Variants in ADARB2 observed in about 807,000 individuals in gnomAD.
The protein encoded by ADARB2 is inactive double-stranded RNA-specific editase B2.
A neutral mutation model predicts 62.2 loss-of-function variants in ADARB2; 25 were observed. The observed-to-expected ratio is 0.40, with a 90% confidence interval of 0.29 to 0.56. The LOEUF is 0.56. Ranked by LOEUF, ADARB2 falls within the 20% of genes least tolerant of loss-of-function variation. ADARB2 has a pLI of 0.43. For synonymous variants in ADARB2, 572 were observed against 500.8 expected, an observed-to-expected ratio of 1.14 and a Z score of -1.90; for missense variants, 1,071 against 1,077.4, an observed-to-expected ratio of 0.99 and a Z score of 0.08.
At chr10:1,454,107 G>A (rs940106137) in intron 1 of ADARB2, among the ~76,000 whole-genome samples, 7 of 152,184 alleles carry the variant, frequency 4.6e-5, no homozygotes, top group Admixed American at 3.3e-4. Flanking sequence ...ATGGCAGAAG[G>A]GGAATGAGGA....
At chr10:1,505,026 C>T (rs1281444630) in intron 1 of ADARB2, among the ~76,000 whole-genome samples, 1 of 151,818 alleles carries the variant, frequency 6.6e-6, no homozygotes, top group African/African-American at 2.4e-5. Context: ...AACACACAGA[C>T]ACAGCCACAC....
intron 3 of ADARB2, among the ~76,000 whole-genome samples, chr10:1,329,818 G>A (rs929219044): frequency 1.3e-4 from 20 of 152,202 alleles, no homozygotes; most frequent in Admixed American, 7.8e-4. Flanking sequence ...AAGAGTGGGC[G>A]GGACCAGGCA....
At chr10:1,313,152 G>C (rs1003279197) in intron 3 of ADARB2, among the ~76,000 whole-genome samples, 1 of 152,182 alleles carries the variant, frequency 6.6e-6, no homozygotes, top group Non-Finnish European at 1.5e-5. Context: ...GGAGTGCCCA[G>C]GTGAGTCCAG....
At chr10:1,543,259 C>T (rs765796572) in intron 1 of ADARB2, among the ~76,000 whole-genome samples, 80 of 152,252 alleles carry the variant, frequency 5.3e-4, no homozygotes, top group Non-Finnish European at 3.1e-4. Context: ...TGGAGGGCTG[C>T]GCCAGGTCCT....
intron 6 of ADARB2, among the ~76,000 whole-genome samples, chr10:1,222,701 G>A (rs1247986627): frequency 2.0e-5 from 3 of 149,398 alleles, no homozygotes; most frequent in Non-Finnish European, 4.4e-5. Context: ...GTTTTTGTCA[G>A]GTTTGTCAAA....
At chr10:1,414,425 G>C (rs1832785015) in intron 1 of ADARB2, among the ~76,000 whole-genome samples, 1 of 152,162 alleles carries the variant, frequency 6.6e-6, no homozygotes, top group African/African-American at 2.4e-5. Context: ...CTCGTGGCTT[G>C]GATAGAATCC....
chr10:1,377,518 G>A (rs573335312), intron 2 of ADARB2, among the ~76,000 whole-genome samples: 19 of 150,218 alleles, frequency 1.3e-4, no homozygotes, highest in African/African-American at 3.9e-4. Flanking sequence ...GTGTGTTTGT[G>A]TGTGCTCCTG....
In ADARB2 at chr10:1,233,730, C is replaced by A. The variant is rs200268465; in HGVS notation, c.1477G>T (p.Ala493Ser). The part of the protein sequence containing the change: ...LYVSTSPCGD[A>S]RLHSPYEITT... ...ATCTCGTAGGGAGAGTGGAGTCTTG[C>A]GTCTCCACAGGGGGAGGTGCTCACG... Residue 493 changes from alanine (A) to serine (S), a missense_variant, in exon 6 of 10, where the codon GCA (alanine) becomes TCA (serine). By Grantham distance (99) the Ala-to-Ser change is moderately conservative. Transcript: ENST00000381312. 1.2e-6 allele frequency: 2 copies of A among 1,613,440 alleles called. No homozygotes were observed. The highest frequency in any genetic ancestry group is 1.7e-6 in the Non-Finnish European group (2 of 1,179,794).
At position 1,487,723 on chromosome 10, in the gene ADARB2, T is replaced by C. The variant is rs115997184; in HGVS notation, c.101-108563A>G. ...GTATTACAAAATGTGCAAAAAGATGTTTGTTTTGCAATTTATGTTTTCAGG... is the reference window on the plus strand; with the variant it reads ...GTATTACAAAATGTGCAAAAAGATGCTTGTTTTGCAATTTATGTTTTCAGG... On this transcript the variant is annotated intron_variant, in intron 1 of 9. Coordinates refer to ENST00000381312, the MANE Select transcript of ADARB2 (RefSeq NM_018702.4). 4.8e-3 allele frequency among the ~76,000 whole-genome samples: 728 copies of C among 152,322 alleles called. 8 individuals carry two copies. The highest frequency in any genetic ancestry group is 0.016 in the African/African-American group (675 of 41,568).
intron 1 of ADARB2, among the ~76,000 whole-genome samples, chr10:1,392,821 G>A (rs1051436187): frequency 2.0e-5 from 3 of 152,116 alleles, no homozygotes; most frequent in African/African-American, 4.8e-5. Context: ...GGTGGCCTGC[G>A]GTGTCAGCCA....
chr10:1,329,521 C>T (rs985926179), intron 3 of ADARB2, among the ~76,000 whole-genome samples: 1 of 152,200 alleles, frequency 6.6e-6, no homozygotes. Flanking sequence ...TAGAAAATGT[C>T]TTTAGGCTGA....
intron 1 of ADARB2, among the ~76,000 whole-genome samples, chr10:1,435,501 G>A (rs549900282): frequency 6.6e-6 from 1 of 152,242 alleles, no homozygotes; most frequent in African/African-American, 2.4e-5. Flanking sequence ...ATTAACGAGG[G>A]GGCCTGTGTT....
intron 3 of ADARB2, among the ~76,000 whole-genome samples, chr10:1,318,829 T>C (rs1831769303): frequency 6.6e-6 from 1 of 152,144 alleles, no homozygotes; most frequent in Non-Finnish European, 1.5e-5. Flanking sequence ...AAAGCATCTC[T>C]CAGATCACAC....
At chr10:1,348,558 C>T (rs924569083) in intron 3 of ADARB2, among the ~76,000 whole-genome samples, 1 of 152,190 alleles carries the variant, frequency 6.6e-6, no homozygotes, top group Non-Finnish European at 1.5e-5. Flanking sequence ...CATCTGAGGC[C>T]CTCCCTGCAG....
At chr10:1,509,855 C>A (rs1038623591) in intron 1 of ADARB2, among the ~76,000 whole-genome samples, 1 of 152,212 alleles carries the variant, frequency 6.6e-6, no homozygotes, top group African/African-American at 2.4e-5. Flanking sequence ...AAAGCCATGT[C>A]TGTGGTACAA....
At chr10:1,548,166 G>A (rs79285305) in intron 1 of ADARB2, among the ~76,000 whole-genome samples, 7 of 152,214 alleles carry the variant, frequency 4.6e-5, no homozygotes, top group Admixed American at 6.5e-5. Context: ...CCTTGGACCC[G>A]GAGGCTCAGG....
intron 1 of ADARB2, among the ~76,000 whole-genome samples, chr10:1,676,517 G>T (rs1834468509): frequency 6.6e-6 from 1 of 152,162 alleles, no homozygotes; most frequent in African/African-American, 2.4e-5. Context: ...TCTTTTAAAT[G>T]GAATTTTCCC....
intron 1 of ADARB2, among the ~76,000 whole-genome samples, chr10:1,647,312 G>A: frequency 6.6e-6 from 1 of 151,926 alleles, no homozygotes; most frequent in Non-Finnish European, 1.5e-5. Flanking sequence ...GGCTCCTTAT[G>A]AAAAAAAAGT....
At chr10:1,431,832 T>G (rs1004168510) in intron 1 of ADARB2, among the ~76,000 whole-genome samples, 2 of 152,164 alleles carry the variant, frequency 1.3e-5, no homozygotes, top group African/African-American at 4.8e-5. Flanking sequence ...AATTTTAAGT[T>G]CACAAATTCC....
Sources: gnomAD v4.1 joint callset for allele counts (sites outside exome capture counted in the v4.1 genomes callset) on GRCh38, gnomAD v4.1.1 for gene constraint, MANE v1.5 for transcripts, NCBI Gene and HGNC (gene_info 2026-07-23, HGNC 2026-07-21) for gene names.